ABL2: variants seen among roughly 807,000 people sequenced by gnomAD.
The protein encoded by ABL2 is ABL proto-oncogene 2, non-receptor tyrosine kinase, also known as tyrosine-protein kinase ABL2.
Under a neutral mutation model 107.7 loss-of-function variants are expected in ABL2, and 49 were observed. The observed-to-expected ratio is 0.45, with a 90% confidence interval of 0.36 to 0.58. The LOEUF is 0.58. Ranked by LOEUF, ABL2 falls within the 20% of genes least tolerant of loss-of-function variation. The pLI is 0.00. For missense variants in ABL2, 1,245 were observed against 1,457.0 expected, an observed-to-expected ratio of 0.85 and a Z score of 2.37; for synonymous variants, 549 against 548.6, an observed-to-expected ratio of 1.00 and a Z score of -0.01.
intron 1 of ABL2, among the ~76,000 whole-genome samples, chr1:179,149,858 T>C (rs1658258015): frequency 6.6e-6 from 1 of 152,234 alleles, no homozygotes; most frequent in South Asian, 2.1e-4. Flanking sequence ...TTTAATGATA[T>C]GTTGTTTTCA....
chr1:179,176,349 T>C (rs1469407591), intron 1 of ABL2, among the ~76,000 whole-genome samples: 3 of 152,136 alleles, frequency 2.0e-5, no homozygotes, highest in South Asian at 2.1e-4. Flanking sequence ...AACTGGATTG[T>C]TTTCAACACA....
rs2102572038 is a variant in ABL2, at chr1:179,107,863, G to A, written c.3404C>T (p.Ala1135Val). 4 of 1,614,196 alleles carry A rather than the reference G, an allele frequency of 2.5e-6. No individual in the cohort carries two copies. Among genetic ancestry groups the A allele is most frequent in the Non-Finnish European group, 3.4e-6 (4 of 1,180,038 alleles). Residue 1135 changes from alanine to valine, a missense_variant, in exon 12 of 12, where the codon GCC becomes GTC. Ala to Val is a moderately conservative substitution (Grantham distance 64). Around this residue, in one of 3 missense-constraint regions of ABL2, gnomAD observed 761 missense variants for 766.4 expected, o/e 0.99. Transcript: ENST00000502732. ...CAGTTTGCTCACAGCCTCTCGGAAG[G>A]CAAATTTGTTGCGAGTTTGAGGGAT... The part of the protein sequence containing the change: ...DCIPQTRNKF[A>V]FREAVSKLEL...
At chr1:179,220,653 C>A (rs763197376) in intron 1 of ABL2, among the ~76,000 whole-genome samples, 1 of 152,222 alleles carries the variant, frequency 6.6e-6, no homozygotes, top group African/African-American at 2.4e-5. Flanking sequence ...TGCTGAAATT[C>A]TACAGGTATG....
intron 1 of ABL2, among the ~76,000 whole-genome samples, chr1:179,202,483 T>G (rs1661728573): frequency 6.6e-6 from 1 of 152,158 alleles, no homozygotes; most frequent in Admixed American, 6.5e-5. Context: ...CATAAAAAAA[T>G]TAACATCACA....
At chr1:179,134,035 CTATCTT>C (rs1254594659) in intron 1 of ABL2, among the ~76,000 whole-genome samples, 7 of 152,290 alleles carry the variant, frequency 4.6e-5, no homozygotes, top group African/African-American at 1.4e-4. Flanking sequence ...CATTAATACT[CTATCTT>C]TATCTCTATA....
chr1:179,149,822 G>A (rs1003900402), intron 1 of ABL2, among the ~76,000 whole-genome samples: 2 of 152,210 alleles, frequency 1.3e-5, no homozygotes, highest in Non-Finnish European at 2.9e-5. Context: ...ACTGCTCATT[G>A]ATAATGCACT....
intron 1 of ABL2, among the ~76,000 whole-genome samples, chr1:179,154,461 G>A (rs1207892392): frequency 6.6e-6 from 1 of 152,214 alleles, no homozygotes; most frequent in Non-Finnish European, 1.5e-5. Flanking sequence ...AACTCTGACT[G>A]AGCCACATAT....
In ABL2 at chr1:179,126,356, G is replaced by A. The variant is rs750374927; in HGVS notation, c.687+21C>T. 5 of 1,603,752 alleles carry A rather than the reference G, an allele frequency of 3.1e-6. No homozygotes were observed. In the South Asian group the frequency reaches 3.3e-5, roughly 11 times the overall value. On this transcript the variant is annotated intron_variant, in intron 4 of 11. Transcript: ENST00000502732. This position sits in a 1 kb window ranked among gnomAD's most constrained non-coding sequence, Gnocchi z 4.4. ...CAGAGTAGCCAGTCCATGCTTAAAG[G>A]TGGTGACCAGGGAGTCTTACCTTGC...
chr1:179,138,764 G>A (rs901455652), intron 1 of ABL2, among the ~76,000 whole-genome samples: 3 of 152,220 alleles, frequency 2.0e-5, no homozygotes, highest in Admixed American at 2.0e-4. Context: ...TCAGCGCACC[G>A]CTGCACTGTG....
intron 1 of ABL2, among the ~76,000 whole-genome samples, chr1:179,181,516 TCA>T (rs1283589717): frequency 6.6e-6 from 1 of 152,188 alleles, no homozygotes; most frequent in Non-Finnish European, 1.5e-5. Context: ...TTCAGTTTTC[TCA>T]TTTATGAAAC....
At chr1:179,142,781 T>G in intron 1 of ABL2, 15 of 791,818 alleles carry the variant, frequency 1.9e-5, no homozygotes, top group Non-Finnish European at 3.0e-5. Context: ...GATCCTACTA[T>G]GAGATATTCC....
At chr1:179,210,197 A>T (rs1258505912) in intron 1 of ABL2, among the ~76,000 whole-genome samples, 1 of 150,728 alleles carries the variant, frequency 6.6e-6, no homozygotes, top group African/African-American at 2.5e-5. Flanking sequence ...TTAAATGAGA[A>T]AAAAAATGAT....
chr1:179,111,875 C>T (rs1200869069), intron 10 of ABL2, among the ~76,000 whole-genome samples: 1 of 152,056 alleles, frequency 6.6e-6, no homozygotes, highest in East Asian at 1.9e-4. Context: ...GAAACCCCAT[C>T]TCTACTAAAA....
At chr1:179,197,556 CAAAA>C (rs545832945) in intron 1 of ABL2, among the ~76,000 whole-genome samples, 2 of 75,930 alleles carry the variant, frequency 2.6e-5, no homozygotes. Flanking sequence ...CTGCTTGGTT[CAAAA>C]AAAAAAAAAA....
intron 1 of ABL2, among the ~76,000 whole-genome samples, chr1:179,223,964 C>CA (rs35954631): frequency 0.36 from 36,768 of 100,748 alleles, 6,103 homozygotes; most frequent in East Asian, 0.46. Flanking sequence ...TCTGTCTCTA[C>CA]AAAAAAAAAA....
intron 1 of ABL2, among the ~76,000 whole-genome samples, chr1:179,140,342 A>G (rs1345921736): frequency 2.6e-5 from 4 of 152,172 alleles, no homozygotes; most frequent in Non-Finnish European, 5.9e-5. Context: ...TTACCTTCTC[A>G]GTATGTCATT....
intron 8 of ABL2, among the ~76,000 whole-genome samples, chr1:179,116,442 A>G (rs997911141): frequency 2.0e-5 from 3 of 152,186 alleles, no homozygotes; most frequent in Admixed American, 2.0e-4. Flanking sequence ...TTAGCACTCC[A>G]ATGCAATAAG....
Position 179,198,420 on chromosome 1 carries a change from G to A in ABL2, c.157+30821C>T, listed in dbSNP as rs182948482. 3.3e-5 allele frequency among the ~76,000 whole-genome samples: 5 copies of A among 151,974 alleles called. No homozygotes were observed. In the South Asian group the frequency reaches 8.3e-4, roughly 25 times the overall value. On this transcript the variant is annotated intron_variant, in intron 1 of 11. Transcript: ENST00000502732. Reference sequence around the variant, plus strand: ...TTTAAAAAACCCACCCAGGCCAGGCGCAGTGGCCATGCCTGTAATCCCAGC... The same window carrying A: ...TTTAAAAAACCCACCCAGGCCAGGCACAGTGGCCATGCCTGTAATCCCAGC...
rs1455729237 is a variant in ABL2, at chr1:179,104,561, G to A, written c.*3157C>T. On this transcript the variant is annotated 3_prime_UTR_variant, in exon 12 of 12. Coordinates refer to ENST00000502732, the MANE Select transcript of ABL2 (RefSeq NM_007314.4). Reference sequence around the variant, plus strand: ...GAAAAACACTGAATGAATTTCTTAGGGCCAAATTTTTTAAGGCTAATCTCT... The same window carrying A: ...GAAAAACACTGAATGAATTTCTTAGAGCCAAATTTTTTAAGGCTAATCTCT... 1 of 208,426 alleles carries A rather than the reference G, an allele frequency of 4.8e-6. No homozygotes were observed. The highest frequency in any genetic ancestry group is 9.8e-6 in the Non-Finnish European group (1 of 102,436). 12.9% of individuals were successfully genotyped at this position (208,426 alleles called of 1,614,324 possible).
Sources: gnomAD v4.1 joint callset for allele counts (sites outside exome capture counted in the v4.1 genomes callset) on GRCh38, gnomAD v4.1.1 for gene constraint, gnomAD v4.1.1 regional missense constraint, Gnocchi (gnomAD v3.1) non-coding constraint, MANE v1.5 for transcripts, NCBI Gene and HGNC (gene_info 2026-07-23, HGNC 2026-07-21) for gene names.